MED21: variants seen among roughly 807,000 people sequenced by gnomAD.
MED21 encodes the protein mediator complex subunit 21.
MED21 carries 9 observed loss-of-function variants against 18.2 expected under a neutral mutation model. That is an observed-to-expected ratio of 0.49 (90% confidence interval 0.30 to 0.86). The LOEUF (loss-of-function observed/expected upper bound fraction) is 0.86, where lower values mean the gene tolerates loss of function less well. Ranked by LOEUF, MED21 falls within the 40% of genes least tolerant of loss-of-function variation. The probability of loss-of-function intolerance (pLI) is 0.07; values close to 1 mark genes in which losing one functional copy is unlikely to be tolerated. For synonymous variants in MED21, 73 were observed against 60.5 expected (o/e 1.21, Z -0.96); for missense variants, 150 against 170.9 (o/e 0.88, Z 0.68).
Position 27,030,460 on chromosome 12 carries a change from T to C in MED21, c.*1999T>C. The C allele has an allele frequency of 2.8e-6, 1 of 359,068 alleles. No individual in the cohort carries two copies. The highest frequency in any genetic ancestry group is 4.9e-6 in the Non-Finnish European group (1 of 202,874). The allele number at this position is 359,068 out of a possible 1,614,324, so 22.2% of individuals were successfully genotyped here. ...GATTTTTCCCTAAAAAACTACAGAT[T>C]ATTTTCAAAAGCATTAATAAATTAA... On this transcript the variant is annotated 3_prime_UTR_variant, in exon 4 of 4. Transcript: ENST00000282892.
rs1941558745 is a variant in MED21 at position 27,027,313 on chromosome 12, T to C, written c.158-34T>C. On this transcript the variant is annotated intron_variant, in intron 2 of 3. Transcript: ENST00000282892. ...ATTTGTTTCTGAAAACTTGAGGTTT[T>C]CTAATATCCTAATCTAGCAGTATCT... The C allele has an allele frequency of 3.4e-6, 5 of 1,484,172 alleles. No homozygotes were observed. The African/African-American group carries it at 4.2e-5, about 13-fold the overall frequency. The allele number at this position is 1,484,172 out of a possible 1,614,324, so 91.9% of individuals were successfully genotyped here. A position where few individuals can be genotyped will look rare whatever the true frequency, so the allele number is the denominator to read the frequency against.
In MED21 at chr12:27,029,325, TCA is replaced by T. The variant is rs1476859612; in HGVS notation, c.*865_*866del. On this transcript the variant is annotated 3_prime_UTR_variant, in exon 4 of 4. Coordinates refer to ENST00000282892, the MANE Select transcript of MED21 (RefSeq NM_004264.5). ...ATCAGTTACTTGGCATCATTTCACC[TCA>T]GTTTATTATTGCCAAATAATAATTT... 1.0e-6 allele frequency: 1 copy of T among 985,312 alleles called. No homozygotes were observed. Among genetic ancestry groups the T allele is most frequent in the Admixed American group, 6.1e-5 (1 of 16,270 alleles). 61.0% of individuals were successfully genotyped at this position (985,312 alleles called of 1,614,324 possible).
intron 2 of MED21, among the ~76,000 whole-genome samples, chr12:27,036,270 CT>C (rs1208119504): frequency 6.6e-6 from 1 of 152,162 alleles, no homozygotes; most frequent in African/African-American, 2.4e-5. Flanking sequence ...CCTTTGCCCA[CT>C]TTTTGATGGG....
chr12:27,038,679 A>G (rs1011002352), intron 2 of MED21: 2 of 152,264 alleles, frequency 1.3e-5, no homozygotes, highest in Non-Finnish European at 2.9e-5. Context: ...ATTCACACAG[A>G]CATGAAAAGT....
At chr12:27,035,667 C>G (rs1364873672), downstream of MED21, among the ~76,000 whole-genome samples, 1 of 145,444 alleles carries the variant, frequency 6.9e-6, no homozygotes, top group Non-Finnish European at 1.5e-5. Context: ...GAATTCCCAT[C>G]TATGAGTGAG....
intron 2 of MED21, among the ~76,000 whole-genome samples, chr12:27,027,103 A>G (rs533546228): frequency 6.6e-6 from 1 of 151,874 alleles, no homozygotes; most frequent in Admixed American, 6.6e-5. Flanking sequence ...TAATTTTTGT[A>G]TTTTTAGTAG....
At chr12:27,035,524 G>A (rs1304436117), downstream of MED21, among the ~76,000 whole-genome samples, 3 of 149,200 alleles carry the variant, frequency 2.0e-5, no homozygotes, top group African/African-American at 7.4e-5. Context: ...TGCCATGCTG[G>A]TGTGCTGCAC....
At chr12:27,026,577 T>C in intron 2 of MED21, 43 bp downstream of exon 2, 1 of 1,234,606 alleles carries the variant, frequency 8.1e-7, no homozygotes, top group East Asian at 2.3e-5. Flanking sequence ...ACTCTCACAT[T>C]TTTTGTAATC....
rs534693486 is a variant in MED21, at chr12:27,030,123, T to G, written c.*1662T>G. ...GTGATTCTCTGTAGAGGATATACAG[T>G]TTTTTTTTGTTGTTCTTGTTTCTGT... On this transcript the variant is annotated 3_prime_UTR_variant, in exon 4 of 4. Coordinates refer to ENST00000282892, the MANE Select transcript of MED21 (RefSeq NM_004264.5). 89 of 579,690 alleles carry G rather than the reference T, an allele frequency of 1.5e-4. No individual in the cohort carries two copies. The highest frequency in any genetic ancestry group is 1.2e-3 in the African/African-American group (60 of 51,938). The allele number at this position is 579,690 out of a possible 1,614,324, so 35.9% of individuals were successfully genotyped here. A position where few individuals can be genotyped will look rare whatever the true frequency, so the allele number is the denominator to read the frequency against.
chr12:27,028,623 A>T lies in MED21; in HGVS notation c.*162A>T. Reference sequence around the variant, plus strand: ...TAATAGTCTTCTATTTTCACTCTTGATAAGCTTATAAAATCATGATTGAAT... The same window carrying T: ...TAATAGTCTTCTATTTTCACTCTTGTTAAGCTTATAAAATCATGATTGAAT... On this transcript the variant is annotated 3_prime_UTR_variant, in exon 4 of 4. Coordinates refer to ENST00000282892, the MANE Select transcript of MED21 (RefSeq NM_004264.5). 7.7e-7 allele frequency: 1 copy of T among 1,294,772 alleles called. No individual in the cohort carries two copies. Among genetic ancestry groups the T allele is most frequent in the Non-Finnish European group, 9.8e-7 (1 of 1,018,280 alleles). The allele number at this position is 1,294,772 out of a possible 1,614,324, so 80.2% of individuals were successfully genotyped here.
chr12:27,033,143 T>A (rs946650442), downstream of MED21, among the ~76,000 whole-genome samples: 23 of 152,192 alleles, frequency 1.5e-4, no homozygotes, highest in East Asian at 9.6e-4. Context: ...AGTTCCTCTC[T>A]CCCTGTTTGT....
intron 1 of MED21, among the ~76,000 whole-genome samples, chr12:27,024,297 T>C (rs1009255848): frequency 1.3e-5 from 2 of 152,100 alleles, no homozygotes; most frequent in African/African-American, 4.8e-5. Context: ...TTGCCAGTTT[T>C]TTTTTTCCTC....
rs763909292 is a variant in MED21, at chr12:27,028,499, T to C, written c.*38T>C. ...CCATGTGGCTGAGAAAAGAACTGTTTGAGTGCCATTAAGAATTCTGCATCA... is the reference window on the plus strand; with the variant it reads ...CCATGTGGCTGAGAAAAGAACTGTTCGAGTGCCATTAAGAATTCTGCATCA... On this transcript the variant is annotated 3_prime_UTR_variant, in exon 4 of 4. Transcript: ENST00000282892. 6.3e-7 allele frequency: 1 copy of C among 1,581,974 alleles called. No homozygotes were observed. Among genetic ancestry groups the C allele is most frequent in the African/African-American group, 1.3e-5 (1 of 74,170 alleles).
chr12:27,035,682 T>TG (rs1591795267), downstream of MED21, among the ~76,000 whole-genome samples: 1 of 148,414 alleles, frequency 6.7e-6, no homozygotes, highest in East Asian at 2.0e-4. Flanking sequence ...AGTGAGAACA[T>TG]GCGGTGTTTG....
chr12:27,023,126 G>C (rs1162481314), intron 1 of MED21, among the ~76,000 whole-genome samples: 2 of 151,998 alleles, frequency 1.3e-5, no homozygotes, highest in Non-Finnish European at 1.5e-5. Context: ...GAGCGATGCT[G>C]AGGTGAGGTG....
At chr12:27,023,634 T>G (rs1941506131) in intron 1 of MED21, among the ~76,000 whole-genome samples, 1 of 152,060 alleles carries the variant, frequency 6.6e-6, no homozygotes, top group African/African-American at 2.4e-5. Flanking sequence ...AATTCTACTC[T>G]CTATTAAAGG....
chr12:27,037,207 G>C (rs1349814392), intron 2 of MED21: 1 of 151,094 alleles, frequency 6.6e-6, no homozygotes, highest in African/African-American at 2.4e-5. Flanking sequence ...AAGCAATTGT[G>C]AATGGGAGTT....
At chr12:27,022,901 G>C (rs1300380346) in intron 1 of MED21, 20 of 1,355,742 alleles carry the variant, frequency 1.5e-5, no homozygotes, top group Non-Finnish European at 1.8e-5. Context: ...TGGGCTGCGC[G>C]GTCCTGTCGT....
chr12:27,034,283 G>T (rs1941636614), downstream of MED21, among the ~76,000 whole-genome samples: 1 of 151,986 alleles, frequency 6.6e-6, no homozygotes, highest in Admixed American at 6.6e-5. Context: ...CAGGCATGGT[G>T]GTGGGCGCCT....
Sources: allele counts gnomAD v4.1 joint callset (sites outside exome capture counted in the v4.1 genomes callset), GRCh38; gene constraint gnomAD v4.1.1; transcripts MANE v1.5; gene names NCBI Gene and HGNC (gene_info 2026-07-23, HGNC 2026-07-21).